CNOT4: variants seen among roughly 807,000 people sequenced by gnomAD.
CNOT4 encodes CCR4-associated factor 4.
In CNOT4, 8 loss-of-function variants were observed where a neutral mutation model predicts 73.8. The observed-to-expected ratio is 0.11, with a 90% CI of 0.06 to 0.20. The LOEUF (loss-of-function observed/expected upper bound fraction) is 0.20, where lower values mean the gene tolerates loss of function less well. CNOT4 is among the 10% of genes least tolerant of loss of function. CNOT4 has a pLI of 1.00. For synonymous variants in CNOT4, 293 were observed against 321.1 expected (o/e 0.91, Z 0.94); for missense variants, 564 against 883.4 (o/e 0.64, Z 4.58).
chr7:135,402,350 T>C (rs1201362505), intron 7 of CNOT4, among the ~76,000 whole-genome samples: 1 of 152,296 alleles, frequency 6.6e-6, no homozygotes, highest in East Asian at 1.9e-4. Context: ...CCTCAAGTGA[T>C]CTGCCAGGCT....
At chr7:135,435,611 T>G (rs1799109399) in intron 2 of CNOT4, among the ~76,000 whole-genome samples, 1 of 152,228 alleles carries the variant, frequency 6.6e-6, no homozygotes, top group African/African-American at 2.4e-5. Flanking sequence ...CTGTTTTGTT[T>G]CCTGTGTTAG....
chr7:135,423,035 G>A (rs575465910), intron 2 of CNOT4, among the ~76,000 whole-genome samples: 2 of 152,228 alleles, frequency 1.3e-5, no homozygotes, highest in East Asian at 1.9e-4. Flanking sequence ...TACCTCAGTC[G>A]TCTCATCTGT....
At chr7:135,408,742 AT>A (rs1395797242) in intron 7 of CNOT4, among the ~76,000 whole-genome samples, 1 of 152,146 alleles carries the variant, frequency 6.6e-6, no homozygotes, top group Non-Finnish European at 1.5e-5. Context: ...CCCAGAGGAA[AT>A]CCACGCAGAC....
intron 2 of CNOT4, among the ~76,000 whole-genome samples, chr7:135,433,320 A>G (rs1798958479): frequency 7.0e-6 from 1 of 142,294 alleles, no homozygotes; most frequent in Non-Finnish European, 1.5e-5. Flanking sequence ...GTTACTGTTC[A>G]CTGAATATTC....
At chr7:135,385,464 T>C (rs1796074246) in intron 10 of CNOT4, among the ~76,000 whole-genome samples, 1 of 152,184 alleles carries the variant, frequency 6.6e-6, no homozygotes, top group Admixed American at 6.5e-5. Flanking sequence ...CTCGGAACAC[T>C]GTACAAATAG....
intron 1 of CNOT4, among the ~76,000 whole-genome samples, chr7:135,443,094 T>C (rs1044669084): frequency 1.3e-5 from 2 of 150,968 alleles, no homozygotes; most frequent in Non-Finnish European, 2.9e-5. Context: ...CTCACACCTG[T>C]AACCCCAGCA....
chr7:135,472,265 CAGG>C (rs1801632459), intron 1 of CNOT4, among the ~76,000 whole-genome samples: 2 of 150,058 alleles, frequency 1.3e-5, no homozygotes, highest in African/African-American at 4.9e-5. Flanking sequence ...ATCATGAGGT[CAGG>C]AGATCGAGAC....
chr7:135,483,633 G>A (rs906506100), intron 1 of CNOT4, among the ~76,000 whole-genome samples: 9 of 151,982 alleles, frequency 5.9e-5, no homozygotes, highest in Admixed American at 5.9e-4. Flanking sequence ...AGACCAGCCT[G>A]CAAAACATGA....
chr7:135,499,058 G>GT (rs1803789018), intron 1 of CNOT4, among the ~76,000 whole-genome samples: 1 of 152,082 alleles, frequency 6.6e-6, no homozygotes, highest in South Asian at 2.1e-4. Context: ...AAAGGCAGAG[G>GT]TTTTTTTCAT....
chr7:135,419,452 A>C (rs1798057256), intron 3 of CNOT4, among the ~76,000 whole-genome samples: 1 of 152,198 alleles, frequency 6.6e-6, no homozygotes, highest in South Asian at 2.1e-4. Context: ...AGAATTTTAA[A>C]AGATATTATT....
intron 10 of CNOT4, among the ~76,000 whole-genome samples, chr7:135,379,848 G>A (rs1455196652): frequency 6.6e-6 from 1 of 152,108 alleles, no homozygotes; most frequent in Non-Finnish European, 1.5e-5. Context: ...CATATAACAC[G>A]ACAATGTTTT....
At chr7:135,399,592 A>G (rs1421778408) in intron 7 of CNOT4, among the ~76,000 whole-genome samples, 1 of 152,058 alleles carries the variant, frequency 6.6e-6, no homozygotes, top group African/African-American at 2.4e-5. Context: ...CAAATTTCTT[A>G]AAATTATTTT....
chr7:135,498,060 A>C (rs141749188), intron 1 of CNOT4, among the ~76,000 whole-genome samples: 26 of 152,342 alleles, frequency 1.7e-4, no homozygotes, highest in African/African-American at 6.3e-4. Flanking sequence ...CCATTTTACA[A>C]ATGAGGAAGC....
intron 3 of CNOT4, among the ~76,000 whole-genome samples, chr7:135,417,043 T>C (rs73158934): frequency 0.015 from 2,245 of 152,334 alleles, 26 homozygotes; most frequent in South Asian, 0.024. Flanking sequence ...ACATTATTGA[T>C]GTTTCATGGT....
At chr7:135,388,074 T>C in intron 10 of CNOT4, 1 of 985,412 alleles carries the variant, frequency 1.0e-6, no homozygotes, top group South Asian at 4.7e-5. Flanking sequence ...TAAACTGAAG[T>C]TCTGTTTTTG....
rs1794672176 is a variant in CNOT4 at position 135,362,000 on chromosome 7, T to A, written c.*885A>T. 1 of 152,672 alleles carries A rather than the reference T, an allele frequency of 6.5e-6. No homozygotes were observed. The allele number at this position is 152,672 out of a possible 1,614,324, so 9.5% of individuals were successfully genotyped here. On this transcript the variant is annotated 3_prime_UTR_variant, in exon 12 of 12. Transcript: ENST00000541284. ...AAGGAGGTCAGAGATTTGCTCCCGA[T>A]GGTGATCAGATGGCCCCAGAGCAGT...
intron 7 of CNOT4, among the ~76,000 whole-genome samples, chr7:135,408,871 G>A (rs1431304170): frequency 6.6e-6 from 1 of 152,156 alleles, no homozygotes; most frequent in East Asian, 1.9e-4. Flanking sequence ...AGGGCATGCT[G>A]TACACAAATC....
intron 10 of CNOT4, chr7:135,387,455 C>T (rs1207498962): frequency 1.0e-6 from 1 of 982,742 alleles, no homozygotes; most frequent in African/African-American, 1.7e-5. Flanking sequence ...AACTCCAACT[C>T]CAACATGACA....
intron 1 of CNOT4, among the ~76,000 whole-genome samples, chr7:135,508,920 G>C (rs1046339101): frequency 6.6e-6 from 1 of 151,094 alleles, no homozygotes; most frequent in Admixed American, 6.6e-5. Flanking sequence ...TGATAAAACC[G>C]GTCCAAAACG....
Sources: gnomAD v4.1 joint callset for allele counts (sites outside exome capture counted in the v4.1 genomes callset) on GRCh38, gnomAD v4.1.1 for gene constraint, MANE v1.5 for transcripts, NCBI Gene and HGNC (gene_info 2026-07-23, HGNC 2026-07-21) for gene names.